Variants in WNK2 observed in about 807,000 individuals in gnomAD.
WNK2 encodes WNK lysine deficient protein kinase 2.
WNK2 carries 67 observed loss-of-function variants against 192.1 expected under a neutral mutation model. That is an observed-to-expected ratio of 0.35 (90% CI 0.29 to 0.43). The LOEUF is 0.43. Ranked by LOEUF, WNK2 falls within the 20% of genes least tolerant of loss-of-function variation. WNK2 has a pLI of 1.00. For synonymous variants in WNK2, 1,439 were observed against 1,393.9 expected, an observed-to-expected ratio of 1.03 and a Z score of -0.72; for missense variants, 2,698 against 3,089.7, an observed-to-expected ratio of 0.87 and a Z score of 3.01.
chr9:93,318,042 C>T (rs761259360), intron 29 of WNK2: 13 of 1,612,280 alleles, frequency 8.1e-6, no homozygotes, highest in East Asian at 4.5e-5. Flanking sequence ...CTGTGGTCCA[C>T]GCGCCGTCTC....
At chr9:93,268,434 C>CT (rs752557897) in intron 18 of WNK2, among the ~76,000 whole-genome samples, 193 bp from the exon 19 acceptor site, 1 of 152,180 alleles carries the variant, frequency 6.6e-6, no homozygotes, top group Non-Finnish European at 1.5e-5. Context: ...GAACCACCTG[C>CT]TTCGTGGAGG....
chr9:93,281,764 C>A (rs1847771913), intron 19 of WNK2, among the ~76,000 whole-genome samples: 1 of 151,982 alleles, frequency 6.6e-6, no homozygotes, highest in South Asian at 2.1e-4. Flanking sequence ...TTAAAGGATG[C>A]CCAAGAAAAA....
intron 19 of WNK2, among the ~76,000 whole-genome samples, chr9:93,280,234 C>T (rs1339694598): frequency 1.3e-5 from 2 of 152,160 alleles, no homozygotes; most frequent in Non-Finnish European, 2.9e-5. Flanking sequence ...AAGGTTGGTA[C>T]AGATGCTTCA....
intron 9 of WNK2, among the ~76,000 whole-genome samples, chr9:93,255,921 C>T (rs541395573): frequency 2.0e-5 from 3 of 152,326 alleles, no homozygotes; most frequent in African/African-American, 7.2e-5. Context: ...CTCTCCATAT[C>T]GTCTGTGAGT....
At chr9:93,261,020 T>A (rs188328698) in intron 12 of WNK2, among the ~76,000 whole-genome samples, 1 of 152,110 alleles carries the variant, frequency 6.6e-6, no homozygotes. Context: ...GGTCCAGAAG[T>A]CTGTTGATGA....
rs531092948 is a variant in WNK2, at chr9:93,309,463, G to A, written c.6516+879G>A. On this transcript the variant is annotated intron_variant, in intron 28 of 29. Transcript: ENST00000427277. ...TTAAATTCTGCCTTTCTGACAATTG[G>A]TATCTCTCCTCTAAATTTATCTAAA... 3.3e-5 allele frequency among the ~76,000 whole-genome samples: 5 copies of A among 152,124 alleles called. No homozygotes were observed. The South Asian group carries it at 1.0e-3, about 32-fold the overall frequency.
chr9:93,264,120 C>A, intron 16 of WNK2, 87 bp downstream of exon 16: 1 of 1,071,812 alleles, frequency 9.3e-7, no homozygotes, highest in Non-Finnish European at 1.4e-6. Context: ...CATGTCGAGC[C>A]TGGCCTTGTG....
intron 4 of WNK2, 140 bp downstream of exon 4, chr9:93,231,248 C>T: frequency 1.2e-6 from 1 of 832,380 alleles, no homozygotes; most frequent in Non-Finnish European, 1.9e-6. Flanking sequence ...AGCCTCGGGC[C>T]AGGGTGTCTG....
intron 2 of WNK2, among the ~76,000 whole-genome samples, chr9:93,215,243 C>G (rs1037733265): frequency 1.3e-5 from 2 of 152,074 alleles, no homozygotes; most frequent in African/African-American, 4.8e-5. Context: ...CTGACTGTAG[C>G]TAAGATTACA....
chr9:93,190,373 C>A (rs1264018524), intron 2 of WNK2, among the ~76,000 whole-genome samples: 1 of 152,224 alleles, frequency 6.6e-6, no homozygotes, highest in African/African-American at 2.4e-5. Context: ...CTACTAGAAG[C>A]AGGTGCTCCT....
At chr9:93,217,769 A>G (rs1490518187) in intron 2 of WNK2, among the ~76,000 whole-genome samples, 1 of 152,208 alleles carries the variant, frequency 6.6e-6, no homozygotes, top group Non-Finnish European at 1.5e-5. Flanking sequence ...ATGTTTATTC[A>G]GTGGACATCT....
At chr9:93,314,258 G>A (rs781529444) in intron 28 of WNK2, among the ~76,000 whole-genome samples, 16 of 152,116 alleles carry the variant, frequency 1.1e-4, no homozygotes, top group Non-Finnish European at 2.2e-4. Flanking sequence ...CTCCAGCCTG[G>A]GCGACAAGAG....
chr9:93,262,865 T>G, intron 14 of WNK2, 146 bp downstream of exon 14: 1 of 867,576 alleles, frequency 1.2e-6, no homozygotes, highest in East Asian at 2.7e-5. Context: ...CCTGACCTGG[T>G]GGAGCCTCAG....
chr9:93,276,982 C>G (rs1588385087), intron 19 of WNK2, among the ~76,000 whole-genome samples: 1 of 151,760 alleles, frequency 6.6e-6, no homozygotes, highest in African/African-American at 2.4e-5. Context: ...TTGCAGTGAG[C>G]TGAGATCGCG....
Position 93,259,685 on chromosome 9 carries a change from A to C in WNK2, c.3066+71A>C, listed in dbSNP as rs1843896588. ...CCCTCAGGACCCAGAGATGCAAAGGAGGACAGAGGCAGGCAAGGAGGCAGC... is the reference window on the plus strand; with the variant it reads ...CCCTCAGGACCCAGAGATGCAAAGGCGGACAGAGGCAGGCAAGGAGGCAGC... On this transcript the variant is annotated intron_variant, in intron 12 of 29. Coordinates refer to ENST00000427277, the MANE Select transcript of WNK2 (RefSeq NM_006648.4). The surrounding 1 kb of genome is among the most constrained non-coding windows in gnomAD (Gnocchi z 4.8). 8 of 1,388,300 alleles carry C rather than the reference A, an allele frequency of 5.8e-6. No homozygotes were observed. Among genetic ancestry groups the C allele is most frequent in the Non-Finnish European group, 7.6e-6 (8 of 1,050,676 alleles). 86.0% of individuals were successfully genotyped at this position (1,388,300 alleles called of 1,614,324 possible).
Position 93,263,091 on chromosome 9 carries a change from G to C in WNK2, c.3410+372G>C, listed in dbSNP as rs189924726. Among the ~76,000 whole-genome samples, 66 of 152,340 alleles carry C rather than the reference G, an allele frequency of 4.3e-4. No individual in the cohort carries two copies. The East Asian group carries it at 9.6e-3, about 22-fold the overall frequency. On this transcript the variant is annotated intron_variant, in intron 14 of 29. Transcript: ENST00000427277. ...TCCAGCCCCGATCCTGGGTTTCCTG[G>C]CCTCCTGGGCTGTGGACACAGGTGT...
chr9:93,235,660 CTTG>C (rs952591574), intron 5 of WNK2, among the ~76,000 whole-genome samples: 1 of 152,240 alleles, frequency 6.6e-6, no homozygotes, highest in Non-Finnish European at 1.5e-5. Context: ...CACCACCCGT[CTTG>C]TTGTGAAGCC....
intron 2 of WNK2, among the ~76,000 whole-genome samples, chr9:93,187,610 T>G (rs1287023087): frequency 6.6e-6 from 1 of 152,178 alleles, no homozygotes; most frequent in Non-Finnish European, 1.5e-5. Context: ...GGGGCTGTGC[T>G]GGAAGTCTCG....
At chr9:93,249,753 T>G (rs1842270406) in intron 8 of WNK2, among the ~76,000 whole-genome samples, 1 of 151,990 alleles carries the variant, frequency 6.6e-6, no homozygotes. Flanking sequence ...GGATTACAGG[T>G]GTGAGCCACC....
Sources: allele counts gnomAD v4.1 joint callset (sites outside exome capture counted in the v4.1 genomes callset), GRCh38; gene constraint gnomAD v4.1.1; non-coding constraint Gnocchi (gnomAD v3.1); transcripts MANE v1.5; gene names NCBI Gene and HGNC (gene_info 2026-07-23, HGNC 2026-07-21).